The following CDH19 variants were observed in gnomAD, a reference collection of about 807,000 sequenced individuals.
CDH19 encodes cadherin 19.
A neutral mutation model predicts 64.2 loss-of-function variants in CDH19; 67 were observed. The ratio of observed to expected loss-of-function variants is 1.04; its 90% CI spans 0.86 to 1.28. The LOEUF is 1.28. Among genes scored for constraint, CDH19 ranks in the 50% most tolerant of loss-of-function variants. The pLI is 0.00. For synonymous variants in CDH19, 346 were observed against 319.3 expected (o/e 1.08, Z -0.89); for missense variants, 1,030 against 929.0 (o/e 1.11, Z -1.41).
chr18:66,509,002 G>A lies in CDH19; in HGVS notation c.1821C>T (p.Ile607=), dbSNP rs2144338089. 1 of 1,606,084 alleles carries A rather than the reference G, an allele frequency of 6.2e-7. No homozygotes were observed. Among genetic ancestry groups the A allele is most frequent in the East Asian group, 2.2e-5 (1 of 44,660 alleles). ...ATGATGACTTCTACCTACCAAATAT[G>A]ATCATAATGCAAATGAGAATAGCAA... ...VIIAILICIM[I]IFGFIFLTLG... Residue 607 remains isoleucine, a synonymous_variant, in exon 11 of 12, where the codon ATC becomes ATT. Coordinates refer to ENST00000262150, the MANE Select transcript of CDH19 (RefSeq NM_021153.4).
chr18:66,516,807 A>C (rs914906040), intron 9 of CDH19, among the ~76,000 whole-genome samples: 4 of 152,028 alleles, frequency 2.6e-5, no homozygotes, highest in African/African-American at 9.7e-5. Flanking sequence ...GGTTAGGTTC[A>C]CTCTAGAAGA....
intron 1 of CDH19, among the ~76,000 whole-genome samples, chr18:66,584,143 A>T (rs2144610224): frequency 6.6e-6 from 1 of 152,238 alleles, no homozygotes; most frequent in Admixed American, 6.5e-5. Context: ...CAAGAACTTA[A>T]CAAAAATTTA....
chr18:66,578,119 T>C (rs1287415201), intron 1 of CDH19, among the ~76,000 whole-genome samples: 1 of 151,946 alleles, frequency 6.6e-6, no homozygotes, highest in Non-Finnish European at 1.5e-5. Flanking sequence ...TCTACAGAGA[T>C]CACAGTCTTT....
chr18:66,511,153 T>C (rs1474278452), intron 10 of CDH19, among the ~76,000 whole-genome samples: 6 of 150,832 alleles, frequency 4.0e-5, no homozygotes, highest in Non-Finnish European at 8.9e-5. Context: ...TCTAAGCTCC[T>C]AATTGATGAC....
At chr18:66,530,819 C>T (rs1351877993) in intron 8 of CDH19, among the ~76,000 whole-genome samples, 1 of 152,040 alleles carries the variant, frequency 6.6e-6, no homozygotes, top group Non-Finnish European at 1.5e-5. Flanking sequence ...TAGTGGCATC[C>T]CTGACTTCTA....
rs1361534962 is a variant in CDH19, at chr18:66,538,603, G to A, written c.1215-3496C>T. Among the ~76,000 whole-genome samples the A allele has an allele frequency of 5.6e-3, 852 of 152,124 alleles. 11 individuals are homozygous for A. Among genetic ancestry groups the A allele is most frequent in the African/African-American group, 0.019 (796 of 41,492 alleles). On this transcript the variant is annotated intron_variant, in intron 7 of 11. Transcript: ENST00000262150. ...AGCTGCCATAAATGCTTGCATACAG[G>A]TTTTCATGTCAAAATAAATACACTT...
chr18:66,530,853 C>T (rs1489170678), intron 8 of CDH19, among the ~76,000 whole-genome samples: 1 of 152,150 alleles, frequency 6.6e-6, no homozygotes, highest in Admixed American at 6.5e-5. Flanking sequence ...TGCAGCATCC[C>T]TCCCATCCCA....
At chr18:66,571,022 G>A (rs545606) in intron 2 of CDH19, among the ~76,000 whole-genome samples, 1,765 of 151,670 alleles carry the variant, frequency 0.012, 36 homozygotes, top group African/African-American at 0.041. Flanking sequence ...CCAACTGTGC[G>A]TATTATTTAC....
intron 3 of CDH19, among the ~76,000 whole-genome samples, chr18:66,562,274 T>G (rs1987751296): frequency 6.6e-6 from 1 of 151,556 alleles, no homozygotes; most frequent in African/African-American, 2.4e-5. Flanking sequence ...AGCCCTGAGC[T>G]TGGTTTCCTG....
intron 7 of CDH19, 102 bp downstream of exon 7, chr18:66,543,865 AGAGT>A (rs1370710668): frequency 7.4e-6 from 6 of 808,264 alleles, no homozygotes; most frequent in African/African-American, 3.5e-5. Context: ...CCTAGAAGAC[AGAGT>A]GAGACTCCCT....
At chr18:66,519,070 C>A (rs1207845451) in intron 9 of CDH19, among the ~76,000 whole-genome samples, 2 of 152,056 alleles carry the variant, frequency 1.3e-5, no homozygotes, top group African/African-American at 4.8e-5. Flanking sequence ...GAGTTCTTAA[C>A]TTTTGTTTTT....
intron 7 of CDH19, among the ~76,000 whole-genome samples, chr18:66,541,570 T>C (rs1030719792): frequency 1.8e-4 from 28 of 152,130 alleles, no homozygotes; most frequent in African/African-American, 6.5e-4. Flanking sequence ...TTTTATGATG[T>C]ATTTTGAATG....
chr18:66,519,328 CTTCT>C (rs1226906229), intron 9 of CDH19, among the ~76,000 whole-genome samples: 1 of 152,080 alleles, frequency 6.6e-6, no homozygotes, highest in East Asian at 1.9e-4. Context: ...CCTCTTTTAC[CTTCT>C]TTCTTATTTG....
At position 66,529,949 on chromosome 18, in the gene CDH19, A is replaced by G. The variant is rs748766288; in HGVS notation, c.1354T>C (p.Ser452Pro). The part of the protein sequence containing the change: ...ATEKYNIEQI[S>P]SIPLYVQVLN... ...ACTTGCACATACAGTGGGATCGAAG[A>G]GATCTGTTCTATATTGTCTGCAATT... The change falls in exon 9 of 12, where the codon TCT becomes CCT. Residue 452 changes from serine to proline, a missense_variant. Transcript: ENST00000262150. 1.9e-6 allele frequency: 3 copies of G among 1,548,298 alleles called. No homozygotes were observed. Among genetic ancestry groups the G allele is most frequent in the Admixed American group, 3.5e-5 (2 of 57,472 alleles).
intron 9 of CDH19, among the ~76,000 whole-genome samples, chr18:66,526,656 C>A (rs1339111422): frequency 6.6e-6 from 1 of 151,920 alleles, no homozygotes; most frequent in African/African-American, 2.4e-5. Context: ...TGAATATTAT[C>A]AAGATACTTG....
intron 1 of CDH19, among the ~76,000 whole-genome samples, chr18:66,575,064 T>C (rs1235094591): frequency 6.6e-6 from 1 of 151,770 alleles, no homozygotes; most frequent in Admixed American, 6.6e-5. Flanking sequence ...AGTGCAATAG[T>C]ATAAGCAAGA....
intron 9 of CDH19, among the ~76,000 whole-genome samples, chr18:66,524,666 CAG>C (rs1352737902): frequency 6.0e-5 from 9 of 150,946 alleles, no homozygotes; most frequent in Admixed American, 1.3e-4. Flanking sequence ...GAAGTGGAAA[CAG>C]TGAACTTTGT....
chr18:66,553,435 T>G lies in CDH19; in HGVS notation c.610+970A>C, dbSNP rs369508402. ...CTGAGAGAATTAAGAACATAGGTAC[T>G]CAAATAATATTTTTTAGAATCTGAC... is the stretch of plus-strand genomic sequence containing the variant. On this transcript the variant is annotated intron_variant, in intron 4 of 11. Transcript: ENST00000262150. Among the ~76,000 whole-genome samples the G allele has an allele frequency of 5.5e-4, 74 of 134,174 alleles. 15 individuals carry two copies. The South Asian group carries it at 0.018, about 32-fold the overall frequency. The allele number at this position is 134,174 out of a possible 152,430, so 88.0% of individuals were successfully genotyped here. A position where few individuals can be genotyped will look rare whatever the true frequency, so the allele number is the denominator to read the frequency against.
At chr18:66,559,627 A>C (rs1395740528) in intron 3 of CDH19, among the ~76,000 whole-genome samples, 2 of 151,574 alleles carry the variant, frequency 1.3e-5, no homozygotes, top group African/African-American at 2.4e-5. Flanking sequence ...TAAATTTAGC[A>C]AGTCAACAGG....
Sources: gnomAD v4.1 joint callset for allele counts (sites outside exome capture counted in the v4.1 genomes callset) on GRCh38, gnomAD v4.1.1 for gene constraint, MANE v1.5 for transcripts, NCBI Gene and HGNC (gene_info 2026-07-23, HGNC 2026-07-21) for gene names.